The following SLC12A8 variants were observed in gnomAD, a reference collection of about 807,000 sequenced individuals.
SLC12A8 encodes cation-chloride cotransporter 9.
A neutral mutation model predicts 75.6 loss-of-function variants in SLC12A8; 69 were observed. That is an observed-to-expected ratio of 0.91 (90% CI 0.75 to 1.11). The LOEUF is 1.11. Among genes scored for constraint, SLC12A8 ranks in the 50% most tolerant of loss-of-function variants. The pLI is 0.00. For synonymous variants in SLC12A8, 365 were observed against 372.8 expected (o/e 0.98, Z 0.24); for missense variants, 877 against 896.7 (o/e 0.98, Z 0.28).
At chr3:125,150,831 G>T (rs1176841337) in intron 5 of SLC12A8, among the ~76,000 whole-genome samples, 1 of 152,188 alleles carries the variant, frequency 6.6e-6, no homozygotes, top group African/African-American at 2.4e-5. Context: ...AACATGAAAG[G>T]TAGAGTGCCA....
intron 4 of SLC12A8, among the ~76,000 whole-genome samples, chr3:125,185,604 C>A (rs754289758): frequency 5.9e-5 from 9 of 152,194 alleles, no homozygotes; most frequent in Non-Finnish European, 1.0e-4. Flanking sequence ...GGAACACCTT[C>A]CAACTCAGTC....
At chr3:125,163,208 G>A (rs1472358337) in intron 5 of SLC12A8, among the ~76,000 whole-genome samples, 2 of 152,036 alleles carry the variant, frequency 1.3e-5, no homozygotes, top group Admixed American at 1.3e-4. Flanking sequence ...TGACAAGTGG[G>A]AGAATCGCTT....
chr3:125,121,059 G>A, intron 6 of SLC12A8: 1 of 566,988 alleles, frequency 1.8e-6, no homozygotes, highest in Non-Finnish European at 3.1e-6. Context: ...CAAAGGTCTG[G>A]CAGCCTCCTG....
intron 12 of SLC12A8, among the ~76,000 whole-genome samples, chr3:125,088,900 C>T (rs1938523255): frequency 6.6e-6 from 1 of 152,148 alleles, no homozygotes; most frequent in African/African-American, 2.4e-5. Context: ...TTTGAAGTGA[C>T]ATTGTTGTTG....
intron 13 of SLC12A8, among the ~76,000 whole-genome samples, chr3:125,086,259 T>G (rs1938459642): frequency 1.3e-5 from 2 of 152,314 alleles, no homozygotes; most frequent in African/African-American, 4.8e-5. Context: ...ATAAGTTTGA[T>G]GTTGACTTAG....
intron 6 of SLC12A8, chr3:125,121,003 C>A: frequency 3.1e-6 from 2 of 649,510 alleles, no homozygotes; most frequent in Non-Finnish European, 5.5e-6. Flanking sequence ...AGAGGTCCTG[C>A]GCTGCCTGCT....
chr3:125,090,727 A>AAT (rs1938562140), intron 12 of SLC12A8, among the ~76,000 whole-genome samples: 2 of 152,330 alleles, frequency 1.3e-5, no homozygotes, highest in East Asian at 3.8e-4. Context: ...TAATGTTAAT[A>AAT]TAGCTACCCT....
intron 5 of SLC12A8, among the ~76,000 whole-genome samples, chr3:125,174,113 A>G (rs1310535572): frequency 2.6e-5 from 4 of 151,784 alleles, no homozygotes; most frequent in Middle Eastern, 3.4e-3. Context: ...AAACAACTCA[A>G]TGATAGGAAA....
Position 125,082,644 on chromosome 3 carries a change from T to C in SLC12A8, c.*1246A>G, listed in dbSNP as rs181740548. 1 of 152,346 alleles carries C rather than the reference T, an allele frequency of 6.6e-6. No individual in the cohort carries two copies. The highest frequency in any genetic ancestry group is 2.4e-5 in the African/African-American group (1 of 41,582). The allele number at this position is 152,346 out of a possible 1,614,324, so 9.4% of individuals were successfully genotyped here. On this transcript the variant is annotated 3_prime_UTR_variant, in exon 14 of 14. Transcript: ENST00000469902. Reference sequence around the variant, plus strand: ...GAGAATATGAGTCACCATTAGGCAATTCATGTTAATTCTTTAATTAAAAAG... The same window carrying C: ...GAGAATATGAGTCACCATTAGGCAACTCATGTTAATTCTTTAATTAAAAAG...
chr3:125,156,366 G>A (rs1418101587), intron 5 of SLC12A8, among the ~76,000 whole-genome samples: 1 of 152,182 alleles, frequency 6.6e-6, no homozygotes, highest in Non-Finnish European at 1.5e-5. Context: ...GGCCATCAGT[G>A]TGTGTGATCA....
intron 4 of SLC12A8, among the ~76,000 whole-genome samples, chr3:125,184,677 C>T (rs1018216151): frequency 7.3e-5 from 11 of 151,594 alleles, no homozygotes; most frequent in African/African-American, 2.7e-4. Flanking sequence ...AAACCCCAAC[C>T]GCACCCTAGA....
At chr3:125,101,019 C>CAA (rs59602383) in intron 10 of SLC12A8, among the ~76,000 whole-genome samples, 3,036 of 85,170 alleles carry the variant, frequency 0.036, 250 homozygotes, top group East Asian at 0.1. Context: ...GACTCCGTCT[C>CAA]AAAAAAAAAA....
intron 10 of SLC12A8, among the ~76,000 whole-genome samples, chr3:125,105,050 T>C (rs1402720304): frequency 2.0e-5 from 3 of 151,510 alleles, no homozygotes; most frequent in Non-Finnish European, 2.9e-5. Context: ...AAACTAATCG[T>C]GACTGATACA....
chr3:125,210,436 G>A (rs531807309), intron 2 of SLC12A8, among the ~76,000 whole-genome samples: 3 of 152,312 alleles, frequency 2.0e-5, no homozygotes, highest in East Asian at 3.9e-4. Context: ...GCCCTGAGTG[G>A]TGCACATGAG....
intron 4 of SLC12A8, among the ~76,000 whole-genome samples, chr3:125,180,039 T>A (rs1560077832): frequency 6.6e-6 from 1 of 151,576 alleles, no homozygotes; most frequent in Non-Finnish European, 1.5e-5. Context: ...GTTTTTTTTT[T>A]CCTAGCAGTA....
intron 9 of SLC12A8, among the ~76,000 whole-genome samples, chr3:125,109,596 G>C (rs536955505): frequency 6.6e-6 from 1 of 152,296 alleles, no homozygotes; most frequent in African/African-American, 2.4e-5. Flanking sequence ...GGGATTCTCT[G>C]TTTATGTCTC....
intron 4 of SLC12A8, among the ~76,000 whole-genome samples, chr3:125,186,165 A>T (rs193019702): frequency 2.0e-5 from 3 of 152,132 alleles, no homozygotes; most frequent in Non-Finnish European, 2.9e-5. Flanking sequence ...AAAAAAAAAA[A>T]AATTTATATA....
In SLC12A8 at chr3:125,092,181, T is replaced by A; in HGVS notation, c.1723A>T (p.Arg575Trp). ...SSGEDFFLKSRLQEQDVWRRS... is the reference protein window; with the variant it reads ...SSGEDFFLKSWLQEQDVWRRS... ...CTCCAGACATCTTGTTCTTGGAGCCTGGACTTCAGGAAGAAATCTAAAAAA... is the reference window on the plus strand; with the variant it reads ...CTCCAGACATCTTGTTCTTGGAGCCAGGACTTCAGGAAGAAATCTAAAAAA... The change falls in exon 11 of 14, where the codon AGG (arginine) becomes TGG (tryptophan). Residue 575 changes from arginine (R) to tryptophan (W), a missense_variant. By Grantham distance (101) the Arg-to-Trp change is moderately radical (BLOSUM62 -3). Coordinates refer to ENST00000469902, the MANE Select transcript of SLC12A8 (RefSeq NM_024628.6). The A allele has an allele frequency of 6.2e-7, 1 of 1,612,184 alleles. No individual in the cohort carries two copies. Among genetic ancestry groups the A allele is most frequent in the Non-Finnish European group, 8.5e-7 (1 of 1,178,508 alleles).
At chr3:125,181,607 C>CAAAAAAA (rs67602083) in intron 4 of SLC12A8, among the ~76,000 whole-genome samples, 10 of 67,594 alleles carry the variant, frequency 1.5e-4, no homozygotes, top group South Asian at 5.3e-4. Flanking sequence ...GACTCCGTCT[C>CAAAAAAA]AAAAAAAAAA....
Sources: allele counts gnomAD v4.1 joint callset (sites outside exome capture counted in the v4.1 genomes callset), GRCh38; gene constraint gnomAD v4.1.1; transcripts MANE v1.5; gene names NCBI Gene and HGNC (gene_info 2026-07-23, HGNC 2026-07-21).